ZNF12: variants seen among roughly 807,000 people sequenced by gnomAD.
ZNF12 encodes zinc finger protein 12, also known as gonadotropin inducible transcription repressor 3.
A neutral mutation model predicts 66.6 loss-of-function variants in ZNF12; 34 were observed. The ratio of observed to expected loss-of-function variants is 0.51; its 90% CI spans 0.39 to 0.68. The LOEUF is 0.68. ZNF12 is among the 30% of genes least tolerant of loss of function. The pLI, the probability that ZNF12 is intolerant of heterozygous loss-of-function variation, is 0.00. For missense variants in ZNF12, 697 were observed against 826.9 expected (o/e 0.84, Z 1.93); for synonymous variants, 320 against 278.9 (o/e 1.15, Z -1.47).
At position 6,697,535 on chromosome 7, in the gene ZNF12, CT is replaced by C. The variant is rs1427541587; in HGVS notation, c.143-102del. On this transcript the variant is annotated intron_variant, in intron 3 of 4. Coordinates refer to ENST00000405858, the MANE Select transcript of ZNF12 (RefSeq NM_016265.4). This position sits in a 1 kb window ranked among gnomAD's most constrained non-coding sequence, Gnocchi z 6.1. The stretch of plus-strand genomic sequence containing the variant: ...CATTTGTGTCTTATCAAAATCAGAA[CT>C]TTTCACGGGGGAGATCAAGACCAAA... 6.6e-7 allele frequency: 1 copy of C among 1,525,574 alleles called. No homozygotes were observed. Among genetic ancestry groups the C allele is most frequent in the African/African-American group, 1.4e-5 (1 of 72,688 alleles). 94.5% of individuals were successfully genotyped at this position (1,525,574 alleles called of 1,614,324 possible).
chr7:6,697,408 T>C lies in ZNF12; in HGVS notation c.169A>G (p.Ile57Val), dbSNP rs772084571. ...TCTTCTCCTTGCTCCAACTTGCTGATAACATCCGGTTTGATAATGTGATAC... is the reference window on the plus strand; with the variant it reads ...TCTTCTCCTTGCTCCAACTTGCTGACAACATCCGGTTTGATAATGTGATAC... ...VGYHIIKPDV[I>V]SKLEQGEEPW... Residue 57 changes from isoleucine (I) to valine (V), a missense_variant, in exon 4 of 5, where the codon ATC becomes GTC. Ile to Val is a conservative substitution (Grantham distance 29). This residue lies in a region of ZNF12 where 55 missense variants were observed against 83.9 expected (regional missense o/e 0.66). Transcript: ENST00000405858. The surrounding 1 kb of genome is among the most constrained non-coding windows in gnomAD (Gnocchi z 6.1). 3 of 1,612,674 alleles carry C rather than the reference T, an allele frequency of 1.9e-6. No individual in the cohort carries two copies. The highest frequency in any genetic ancestry group is 8.5e-7 in the Non-Finnish European group (1 of 1,179,384).
intron 1 of ZNF12, among the ~76,000 whole-genome samples, chr7:6,706,064 T>G (rs1286294260): frequency 6.6e-6 from 1 of 152,136 alleles, no homozygotes; most frequent in Non-Finnish European, 1.5e-5. Flanking sequence ...CAGCAAGAGA[T>G]AGTTCCTGCA....
chr7:6,700,302 T>A (rs13309298), intron 2 of ZNF12, among the ~76,000 whole-genome samples: 2,971 of 83,820 alleles, frequency 0.035, 110 homozygotes, highest in African/African-American at 0.15. Flanking sequence ...AAAAAAAAAA[T>A]ATACACACAC....
At chr7:6,703,080 C>T (rs1354302043) in intron 2 of ZNF12, among the ~76,000 whole-genome samples, 1 of 151,704 alleles carries the variant, frequency 6.6e-6, no homozygotes, top group Admixed American at 6.6e-5. Context: ...ACCTGCCTTC[C>T]TGATGCTGCC....
rs531452098 is a variant in ZNF12 at position 6,698,326 on chromosome 7, C to A, written c.16-515G>T. On this transcript the variant is annotated intron_variant, in intron 2 of 4. Transcript: ENST00000405858. This position sits in a 1 kb window ranked among gnomAD's most constrained non-coding sequence, Gnocchi z 4.4. ...TTCTCTTTGCTGTCTGTACTTGCTGCTTTGATGGTGAGCCCTCTTCCTGGC... is the reference window on the plus strand; with the variant it reads ...TTCTCTTTGCTGTCTGTACTTGCTGATTTGATGGTGAGCCCTCTTCCTGGC... 6.6e-6 allele frequency among the ~76,000 whole-genome samples: 1 copy of A among 152,248 alleles called. No individual in the cohort carries two copies. Among genetic ancestry groups the A allele is most frequent in the Non-Finnish European group, 1.5e-5 (1 of 68,026 alleles).
rs939234941 is a variant in ZNF12 at position 6,688,991 on chromosome 7, G to A, written c.*1857C>T. On this transcript the variant is annotated 3_prime_UTR_variant, in exon 5 of 5. Coordinates refer to ENST00000405858, the MANE Select transcript of ZNF12 (RefSeq NM_016265.4). This position sits in a 1 kb window ranked among gnomAD's most constrained non-coding sequence, Gnocchi z 4.3. ...GATTTCTAATGCTCAAACTATTTACGTCAAAATTTACAGAAAATAAATCTC... is the reference window on the plus strand; with the variant it reads ...GATTTCTAATGCTCAAACTATTTACATCAAAATTTACAGAAAATAAATCTC... 3.3e-5 allele frequency: 5 copies of A among 152,554 alleles called. No individual in the cohort carries two copies. The highest frequency in any genetic ancestry group is 1.2e-4 in the African/African-American group (5 of 41,402). 9.5% of individuals were successfully genotyped at this position (152,554 alleles called of 1,614,324 possible).
rs1015475038 is a variant in ZNF12 at position 6,689,673 on chromosome 7, C to T, written c.*1175G>A. 1 of 151,836 alleles carries T rather than the reference C, an allele frequency of 6.6e-6. No homozygotes were observed. 9.4% of individuals were successfully genotyped at this position (151,836 alleles called of 1,614,324 possible). A position where few individuals can be genotyped will look rare whatever the true frequency, so the allele number is the denominator to read the frequency against. On this transcript the variant is annotated 3_prime_UTR_variant, in exon 5 of 5. Transcript: ENST00000405858. ...AAGGAGTAGAGCACAAGGTTTAAAA[C>T]CAGTACGACATCAAATGAAAACACA...
chr7:6,706,411 G>A, intron 1 of ZNF12, 21 bp downstream of exon 1: 1 of 469,164 alleles, frequency 2.1e-6, no homozygotes, highest in Non-Finnish European at 4.2e-6. Context: ...CTCGCCCCGG[G>A]CCCGCAAACC....
At chr7:6,694,533 G>A (rs1780125149) in intron 4 of ZNF12, among the ~76,000 whole-genome samples, 1 of 152,182 alleles carries the variant, frequency 6.6e-6, no homozygotes, top group South Asian at 2.1e-4. Context: ...TCCAAGTAGA[G>A]AGTTGTTCTG....
At position 6,697,829 on chromosome 7, in the gene ZNF12, T is replaced by C. The variant is rs751141718; in HGVS notation, c.16-18A>G. 3.7e-6 allele frequency: 6 copies of C among 1,613,890 alleles called. No homozygotes were observed. Among genetic ancestry groups the C allele is most frequent in the South Asian group, 1.1e-5 (1 of 91,082 alleles). ...ACTGGCCCCTGAAATGGCACCGTGA[T>C]TGGAATTGGGTGACGTGAAATAGGC... On this transcript the variant is annotated intron_variant, in intron 2 of 4. Transcript: ENST00000405858. The surrounding 1 kb of genome is among the most constrained non-coding windows in gnomAD (Gnocchi z 6.1).
rs1780346519 is a variant in ZNF12 at position 6,705,839 on chromosome 7, A to C, written c.-51+593T>G. 6.6e-6 allele frequency among the ~76,000 whole-genome samples: 1 copy of C among 152,244 alleles called. No individual in the cohort carries two copies. Among genetic ancestry groups the C allele is most frequent in the Non-Finnish European group, 1.5e-5 (1 of 68,040 alleles). ...TCCACAGGATGCCCTAAATAAAGGAATACAGTCGGCATAATTGAGTCTTTA... is the reference window on the plus strand; with the variant it reads ...TCCACAGGATGCCCTAAATAAAGGACTACAGTCGGCATAATTGAGTCTTTA... On this transcript the variant is annotated intron_variant, in intron 1 of 4. Transcript: ENST00000405858. This position sits in a 1 kb window ranked among gnomAD's most constrained non-coding sequence, Gnocchi z 4.0.
In ZNF12 at chr7:6,697,471, C is replaced by T. The variant is rs1416058443; in HGVS notation, c.143-37G>A. ...AAATGAAAGAGAACTTGAGCCCAGG[C>T]CGGTTGGCTTCAGGGTCTCTGTCAT... is the stretch of plus-strand genomic sequence containing the variant. On this transcript the variant is annotated intron_variant, in intron 3 of 4. Transcript: ENST00000405858. This position sits in a 1 kb window ranked among gnomAD's most constrained non-coding sequence, Gnocchi z 6.1. 5 of 1,590,826 alleles carry T rather than the reference C, an allele frequency of 3.1e-6. No homozygotes were observed. In the African/African-American group the frequency reaches 6.7e-5, roughly 21 times the overall value.
In ZNF12 at chr7:6,706,584, A is replaced by C. The variant is rs1194640434; in HGVS notation, c.-203T>G. Reference sequence around the variant, plus strand: ...GGGCCCGGGCCGGGCCTACGGGACAAATCCAGGCGGGGCGTCCCTCCCGGA... The same window carrying C: ...GGGCCCGGGCCGGGCCTACGGGACACATCCAGGCGGGGCGTCCCTCCCGGA... On this transcript the variant is annotated 5_prime_UTR_variant, in exon 1 of 5. In the 5' UTR this introduces an upstream ATG that the reference lacks. Coordinates refer to ENST00000405858, the MANE Select transcript of ZNF12 (RefSeq NM_016265.4). 1 of 459,280 alleles carries C rather than the reference A, an allele frequency of 2.2e-6. No homozygotes were observed. The highest frequency in any genetic ancestry group is 2.3e-5 in the Admixed American group (1 of 42,880). The allele number at this position is 459,280 out of a possible 1,614,324, so 28.5% of individuals were successfully genotyped here. A position where few individuals can be genotyped will look rare whatever the true frequency, so the allele number is the denominator to read the frequency against.
rs569465822 is a variant in ZNF12 at position 6,688,446 on chromosome 7, A to G, written c.*2402T>C. On this transcript the variant is annotated 3_prime_UTR_variant, in exon 5 of 5. Transcript: ENST00000405858. The surrounding 1 kb of genome is among the most constrained non-coding windows in gnomAD (Gnocchi z 4.3). ...AATGCCAAGCCATTTACAGTTTTCA[A>G]ATATTTTACTGAAAATGCATATTGT... 2 of 152,368 alleles carry G rather than the reference A, an allele frequency of 1.3e-5. No homozygotes were observed. Among genetic ancestry groups the G allele is most frequent in the Admixed American group, 6.5e-5 (1 of 15,302 alleles). The allele number at this position is 152,368 out of a possible 1,614,324, so 9.4% of individuals were successfully genotyped here.
At position 6,690,595 on chromosome 7, in the gene ZNF12, C is replaced by A. The variant is rs1780049762; in HGVS notation, c.*253G>T. On this transcript the variant is annotated 3_prime_UTR_variant, in exon 5 of 5. Coordinates refer to ENST00000405858, the MANE Select transcript of ZNF12 (RefSeq NM_016265.4). ...CCCTGATATGCAAAACAGTTCCAAT[C>A]CATGGTGACATGTATATACATTCTT... The A allele has an allele frequency of 5.5e-6, 2 of 361,248 alleles. No individual in the cohort carries two copies. Among genetic ancestry groups the A allele is most frequent in the Non-Finnish European group, 9.9e-6 (2 of 201,690 alleles). The allele number at this position is 361,248 out of a possible 1,614,324, so 22.4% of individuals were successfully genotyped here.
chr7:6,692,305 A>G lies in ZNF12; in HGVS notation c.637T>C (p.Leu213=). 1 of 1,610,192 alleles carries G rather than the reference A, an allele frequency of 6.2e-7. No homozygotes were observed. Among genetic ancestry groups the G allele is most frequent in the Non-Finnish European group, 8.5e-7 (1 of 1,178,686 alleles). ...EESLYQKIRI[L]EKPFEYIECQ... ...TCAATATATTCAAAAGGTTTCTCCA[A>G]AATACGAATTTTCTGATAAAGACTT... The change falls in exon 5 of 5, where the codon TTG becomes CTG. Residue 213 remains leucine (L), a synonymous_variant. Transcript: ENST00000405858. This position sits in a 1 kb window ranked among gnomAD's most constrained non-coding sequence, Gnocchi z 5.1.
intron 2 of ZNF12, among the ~76,000 whole-genome samples, chr7:6,702,365 G>C (rs1780262634): frequency 7.5e-6 from 1 of 132,852 alleles, no homozygotes; most frequent in Non-Finnish European, 1.5e-5. Flanking sequence ...ACACACACCA[G>C]ATTCATCTCC....
Position 6,691,989 on chromosome 7 carries a change from G to A in ZNF12, c.953C>T (p.Thr318Ile). 3 of 1,613,932 alleles carry A rather than the reference G, an allele frequency of 1.9e-6. No homozygotes were observed. Among genetic ancestry groups the A allele is most frequent in the Middle Eastern group, 1.6e-4 (1 of 6,062 alleles). ...TTCATAGGGCTTCTCCCCTGTGTGT[G>A]TTCTCTGATGCACAGTAAGGGTTCC... ...QKGTLTVHQR[T>I]HTGEKPYECN... The change falls in exon 5 of 5, where the codon ACA becomes ATA. Residue 318 changes from threonine (T) to isoleucine (I), a missense_variant. Physicochemically the swap from Thr to Ile is moderately conservative, Grantham distance 89. Transcript: ENST00000405858.
Position 6,691,216 on chromosome 7 carries a change from G to C in ZNF12, c.1726C>G (p.Pro576Ala), listed in dbSNP as rs1780062286. 3 of 1,614,062 alleles carry C rather than the reference G, an allele frequency of 1.9e-6. No homozygotes were observed. Among genetic ancestry groups the C allele is most frequent in the Non-Finnish European group, 2.5e-6 (3 of 1,179,996 alleles). Residue 576 changes from proline to alanine, a missense_variant, in exon 5 of 5, where the codon CCC (proline) becomes GCC (alanine). This residue lies in a region of ZNF12 where 401 missense variants were observed against 519.0 expected (regional missense o/e 0.77). Transcript: ENST00000405858. ...TTCCCACATTCACTACATTCATAGG[G>C]CTTCTCTCCTGAATGAATTCTATGA... ...IHHRIHSGEK[P>A]YECSECGKTF...
Sources: allele counts gnomAD v4.1 joint callset (sites outside exome capture counted in the v4.1 genomes callset), GRCh38; gene constraint gnomAD v4.1.1; regional missense constraint gnomAD v4.1.1; non-coding constraint Gnocchi (gnomAD v3.1); transcripts MANE v1.5; gene names NCBI Gene and HGNC (gene_info 2026-07-23, HGNC 2026-07-21).